ARHGAP15: variants seen among roughly 807,000 people sequenced by gnomAD.
ARHGAP15 encodes Rho GTPase activating protein 15.
Under a neutral mutation model 63.7 loss-of-function variants are expected in ARHGAP15, and 51 were observed. That is an observed-to-expected ratio of 0.80 (90% CI 0.64 to 1.01). The LOEUF is 1.01. Ranked by LOEUF, ARHGAP15 falls within the 50% of genes least tolerant of loss-of-function variation. The pLI, the probability that ARHGAP15 is intolerant of heterozygous loss-of-function variation, is 0.00. For synonymous variants in ARHGAP15, 191 were observed against 193.8 expected (o/e 0.99, Z 0.12); for missense variants, 560 against 564.6 (o/e 0.99, Z 0.08).
chr2:143,350,333 A>T (rs1044148568), intron 6 of ARHGAP15, among the ~76,000 whole-genome samples: 4 of 152,082 alleles, frequency 2.6e-5, no homozygotes, highest in African/African-American at 4.8e-5. Flanking sequence ...AACATCTGTA[A>T]TAGTTAGGAG....
chr2:143,413,966 T>TGTGCGCGCGCGCGCGC, intron 6 of ARHGAP15, among the ~76,000 whole-genome samples: 38 of 117,920 alleles, frequency 3.2e-4, no homozygotes, highest in African/African-American at 8.1e-4. Flanking sequence ...TGTGTGTGTG[T>TGTGCGCGCGCGCGCGC]GCGCGCTCTC....
Position 143,161,445 on chromosome 2 carries a change from T to A in ARHGAP15, c.165+5790T>A, listed in dbSNP as rs1690292495. ...TACTCTTACTCTAGTTTGTTAATTT[T>A]TTTTTAAATTGCTTCTAATCCATTT... is the stretch of plus-strand genomic sequence containing the variant. On this transcript the variant is annotated intron_variant, in intron 2 of 13. Coordinates refer to ENST00000295095, the MANE Select transcript of ARHGAP15 (RefSeq NM_018460.4). 1.3e-5 allele frequency among the ~76,000 whole-genome samples: 2 copies of A among 151,982 alleles called. 1 individual carries two copies. The highest frequency in any genetic ancestry group is 1.3e-4 in the Admixed American group (2 of 15,228).
intron 10 of ARHGAP15, chr2:143,533,315 G>A (rs1694602131): frequency 6.6e-6 from 1 of 152,196 alleles, no homozygotes; most frequent in Non-Finnish European, 1.5e-5. Flanking sequence ...GTGTGAACCT[G>A]TTCATTTAAT....
At chr2:143,489,870 G>C (rs1358846400) in intron 9 of ARHGAP15, among the ~76,000 whole-genome samples, 1 of 152,100 alleles carries the variant, frequency 6.6e-6, no homozygotes, top group South Asian at 2.1e-4. Flanking sequence ...CTTCCAGATC[G>C]GCACAAAAGG....
At chr2:143,330,810 T>C (rs1456422447) in intron 6 of ARHGAP15, among the ~76,000 whole-genome samples, 1 of 152,200 alleles carries the variant, frequency 6.6e-6, no homozygotes, top group Admixed American at 6.5e-5. Flanking sequence ...TGTCCCCAGA[T>C]CAATGTGGAT....
At chr2:143,355,426 C>T (rs1280780218) in intron 6 of ARHGAP15, among the ~76,000 whole-genome samples, 1 of 152,084 alleles carries the variant, frequency 6.6e-6, no homozygotes, top group Admixed American at 6.6e-5. Context: ...AAAGGAAAAT[C>T]CTTTTTATGT....
At chr2:143,622,352 G>T (rs563170089) in intron 11 of ARHGAP15, among the ~76,000 whole-genome samples, 1 of 152,114 alleles carries the variant, frequency 6.6e-6, no homozygotes, top group South Asian at 2.1e-4. Flanking sequence ...GCACGCAGGG[G>T]GTGTGGCACC....
chr2:143,582,076 G>C (rs879371130), intron 11 of ARHGAP15, among the ~76,000 whole-genome samples: 7 of 152,174 alleles, frequency 4.6e-5, no homozygotes, highest in Non-Finnish European at 8.8e-5. Context: ...CGTGATATAA[G>C]ATGTGCACAT....
intron 5 of ARHGAP15, among the ~76,000 whole-genome samples, chr2:143,240,431 A>G (rs1191009678): frequency 6.6e-6 from 1 of 152,176 alleles, no homozygotes; most frequent in South Asian, 2.1e-4. Context: ...TCCGTGCAAA[A>G]TGAATATGGA....
At chr2:143,195,712 G>A (rs549604869) in intron 2 of ARHGAP15, among the ~76,000 whole-genome samples, 2 of 152,228 alleles carry the variant, frequency 1.3e-5, no homozygotes, top group East Asian at 3.9e-4. Flanking sequence ...CCTCAGAAAC[G>A]TACATGTCTG....
At position 143,638,674 on chromosome 2, in the gene ARHGAP15, G is replaced by GA. The variant is rs547479767; in HGVS notation, c.1138+14416dup. Among the ~76,000 whole-genome samples, 441 of 93,980 alleles carry GA rather than the reference G, an allele frequency of 4.7e-3. 1 individual carries two copies. The highest frequency in any genetic ancestry group is 0.014 in the African/African-American group (330 of 22,992). The allele number at this position is 93,980 out of a possible 152,430, so 61.7% of individuals were successfully genotyped here. ...AATAATAAAAAATAAATAAATAAAA[G>GA]AAAAAAAAATATTAAAAAAAAAAAA... is the stretch of plus-strand genomic sequence containing the variant. On this transcript the variant is annotated intron_variant, in intron 12 of 13. Transcript: ENST00000295095.
chr2:143,359,973 G>C (rs941145742), intron 6 of ARHGAP15, among the ~76,000 whole-genome samples: 1 of 152,092 alleles, frequency 6.6e-6, no homozygotes, highest in East Asian at 1.9e-4. Context: ...TAATTACATA[G>C]AGTTTCAAAA....
chr2:143,157,897 A>T (rs1690143279), intron 2 of ARHGAP15, among the ~76,000 whole-genome samples: 1 of 151,844 alleles, frequency 6.6e-6, no homozygotes, highest in South Asian at 2.1e-4. Flanking sequence ...AGGTGGGAAG[A>T]GATGGGTACT....
intron 11 of ARHGAP15, among the ~76,000 whole-genome samples, chr2:143,609,523 A>G (rs1346941330): frequency 6.6e-6 from 1 of 152,208 alleles, no homozygotes; most frequent in African/African-American, 2.4e-5. Flanking sequence ...ATGGCCTTAC[A>G]CAAAAGATTC....
chr2:143,545,761 T>C (rs1041676066), intron 10 of ARHGAP15, among the ~76,000 whole-genome samples: 14 of 152,138 alleles, frequency 9.2e-5, no homozygotes, highest in African/African-American at 3.4e-4. Context: ...TTTTTTTTCC[T>C]ACGTCTTCAG....
chr2:143,709,601 T>G (rs551579515), intron 13 of ARHGAP15, among the ~76,000 whole-genome samples: 68 of 151,578 alleles, frequency 4.5e-4, no homozygotes, highest in Non-Finnish European at 7.5e-4. Flanking sequence ...ATTGAATGCC[T>G]CATTGAAAGT....
At position 143,445,976 on chromosome 2, in the gene ARHGAP15, AGT is replaced by A. The variant is rs1574461010; in HGVS notation, c.703+8937_703+8938del. 3.3e-5 allele frequency among the ~76,000 whole-genome samples: 5 copies of A among 152,078 alleles called. No individual in the cohort carries two copies. In the East Asian group the frequency reaches 9.7e-4, roughly 29 times the overall value. ...TCCAGTTTAACACAAAAGTTATCAA[AGT>A]GTTAGCCCTCAGAACCCTGTTCAAA... On this transcript the variant is annotated intron_variant, in intron 8 of 13. Transcript: ENST00000295095.
rs375858299 is a variant in ARHGAP15 at position 143,540,389 on chromosome 2, G to A, written c.926-16019G>A. 3.9e-5 allele frequency among the ~76,000 whole-genome samples: 6 copies of A among 152,128 alleles called. 1 individual carries two copies. The highest frequency in any genetic ancestry group is 3.3e-4 in the Admixed American group (5 of 15,282). The stretch of plus-strand genomic sequence containing the variant: ...TTTAGCCCATTTACATTTAAGGTTA[G>A]TATTGTTATGTGTGAATTTGATCCT... On this transcript the variant is annotated intron_variant, in intron 10 of 13. Coordinates refer to ENST00000295095, the MANE Select transcript of ARHGAP15 (RefSeq NM_018460.4).
chr2:143,543,907 C>A (rs907217015), intron 10 of ARHGAP15, among the ~76,000 whole-genome samples: 3 of 152,086 alleles, frequency 2.0e-5, no homozygotes, highest in African/African-American at 4.8e-5. Context: ...CAGAATGAAG[C>A]TGAGAAGTTA....
Sources: gnomAD v4.1 joint callset for allele counts (sites outside exome capture counted in the v4.1 genomes callset) on GRCh38, gnomAD v4.1.1 for gene constraint, MANE v1.5 for transcripts, NCBI Gene and HGNC (gene_info 2026-07-23, HGNC 2026-07-21) for gene names.